ARID1B: variants seen among roughly 807,000 people sequenced by gnomAD.
The protein encoded by ARID1B is AT-rich interactive domain-containing protein 1B.
A neutral mutation model predicts 212.3 loss-of-function variants in ARID1B; 30 were observed. That is an observed-to-expected ratio of 0.14 (90% CI 0.11 to 0.19). The LOEUF is 0.19. ARID1B is among the 10% of genes least tolerant of loss of function. The pLI is 1.00. For missense variants in ARID1B, 2,891 were observed against 3,204.0 expected (o/e 0.90, Z 2.36); for synonymous variants, 1,402 against 1,301.7 (o/e 1.08, Z -1.66).
In ARID1B at chr6:157,148,891, G is replaced by T; in HGVS notation, c.3029G>T (p.Arg1010Leu). ...GMGPPMPTVNRKAQEAAAAVM... is the reference protein window; with the variant it reads ...GMGPPMPTVNLKAQEAAAAVM... ...GGGCCGCCAATGCCAACTGTGAACCGTAAGGCACAGGAGGCAGCCGCAGCA... is the reference window on the plus strand; with the variant it reads ...GGGCCGCCAATGCCAACTGTGAACCTTAAGGCACAGGAGGCAGCCGCAGCA... Residue 1010 changes from arginine to leucine, a missense_variant, in exon 8 of 20, where the codon CGT (arginine) becomes CTT (leucine). Physicochemically the swap from Arg to Leu is moderately radical, Grantham distance 102. Transcript: ENST00000636930. This position sits in a 1 kb window ranked among gnomAD's most constrained non-coding sequence, Gnocchi z 5.6. The T allele has an allele frequency of 2.5e-6, 4 of 1,612,878 alleles. No individual in the cohort carries two copies. Among genetic ancestry groups the T allele is most frequent in the Non-Finnish European group, 1.7e-6 (2 of 1,179,972 alleles).
chr6:156,796,195 C>T lies in ARID1B; in HGVS notation c.1791+16724C>T, dbSNP rs369080830. Among the ~76,000 whole-genome samples, 46 of 152,230 alleles carry T rather than the reference C, an allele frequency of 3.0e-4. No individual in the cohort carries two copies. In the South Asian group the frequency reaches 9.5e-3, roughly 32 times the overall value. The stretch of plus-strand genomic sequence containing the variant: ...TCTTGTTTCCTATTTCATAATATTT[C>T]ATCTTGCTTTATTGTTTATGGTAAT... On this transcript the variant is annotated intron_variant, in intron 1 of 19. Transcript: ENST00000636930.
At chr6:156,995,071 C>T (rs115773684) in intron 4 of ARID1B, among the ~76,000 whole-genome samples, 4 of 152,142 alleles carry the variant, frequency 2.6e-5, no homozygotes, top group African/African-American at 9.7e-5. Context: ...AGAGGAGGAC[C>T]TGCACCTTCC....
chr6:156,834,120 G>C (rs1783333115), intron 2 of ARID1B, among the ~76,000 whole-genome samples: 1 of 152,174 alleles, frequency 6.6e-6, no homozygotes, highest in Non-Finnish European at 1.5e-5. Context: ...TTGCATGAGA[G>C]CTCTGAAAAG....
chr6:156,818,079 T>G (rs983437643), intron 1 of ARID1B, among the ~76,000 whole-genome samples: 1 of 151,590 alleles, frequency 6.6e-6, no homozygotes, highest in Admixed American at 6.6e-5. Context: ...GGCCTTTATA[T>G]GTTGAATTTA....
At chr6:156,924,114 C>T (rs966675292) in intron 3 of ARID1B, among the ~76,000 whole-genome samples, 1 of 152,172 alleles carries the variant, frequency 6.6e-6, no homozygotes, top group Non-Finnish European at 1.5e-5. Flanking sequence ...ATGAATACAA[C>T]CTTAGAAGGT....
intron 2 of ARID1B, among the ~76,000 whole-genome samples, chr6:156,853,206 C>A (rs929096300): frequency 6.6e-6 from 1 of 152,172 alleles, no homozygotes; most frequent in Admixed American, 6.5e-5. Flanking sequence ...GATTATAGTA[C>A]TTAAGTATGC....
At chr6:156,999,136 G>C (rs1410123394) in intron 4 of ARID1B, among the ~76,000 whole-genome samples, 1 of 152,364 alleles carries the variant, frequency 6.6e-6, no homozygotes, top group South Asian at 2.1e-4. Context: ...GAGACTGGAT[G>C]CGCCATGAGT....
At chr6:157,025,641 A>G (rs1780610120) in intron 4 of ARID1B, among the ~76,000 whole-genome samples, 1 of 152,108 alleles carries the variant, frequency 6.6e-6, no homozygotes, top group Non-Finnish European at 1.5e-5. Flanking sequence ...ATCAGTAGTT[A>G]ATTCCTTTTC....
At chr6:157,174,740 A>AAT (rs1037314211) in intron 10 of ARID1B, 107 bp from the exon 11 acceptor site, 42 of 297,244 alleles carry the variant, frequency 1.4e-4, no homozygotes, top group Middle Eastern at 1.2e-3. Flanking sequence ...ATATATATAT[A>AAT]ATATATATAA....
chr6:157,083,556 T>C (rs753011758), intron 4 of ARID1B, among the ~76,000 whole-genome samples: 16 of 152,170 alleles, frequency 1.1e-4, no homozygotes, highest in Non-Finnish European at 1.9e-4. Context: ...CTTCCCCTTT[T>C]CGTCTTTAGC....
chr6:156,800,593 GA>G (rs1166026748), intron 1 of ARID1B, among the ~76,000 whole-genome samples: 1 of 151,272 alleles, frequency 6.6e-6, no homozygotes, highest in African/African-American at 2.4e-5. Flanking sequence ...CATCTCAAAA[GA>G]AAAAAAAGCA....
intron 3 of ARID1B, among the ~76,000 whole-genome samples, chr6:156,931,982 A>T (rs1791762840): frequency 6.6e-6 from 1 of 151,022 alleles, no homozygotes; most frequent in Non-Finnish European, 1.5e-5. Context: ...AAAAAAAAAA[A>T]AAATCAGCCA....
intron 4 of ARID1B, among the ~76,000 whole-genome samples, chr6:157,030,093 G>T (rs1204307534): frequency 1.3e-5 from 2 of 152,132 alleles, no homozygotes; most frequent in Non-Finnish European, 2.9e-5. Context: ...TGACGATTTG[G>T]GCTGGGCTCA....
chr6:156,987,334 G>GT (rs539734937), intron 4 of ARID1B, among the ~76,000 whole-genome samples: 8,485 of 145,008 alleles, frequency 0.059, 243 homozygotes, highest in East Asian at 0.085. Flanking sequence ...ACCAGTGCTA[G>GT]TTTTTTTTTT....
In ARID1B at chr6:156,829,243, C is replaced by A. The variant is rs763652332; in HGVS notation, c.1808C>A (p.Pro603Gln). ...TCTTCACAGGGCAGCCCAATGGATC[C>A]AATGGTGATGAAGAGACCTCAGTTG... ...MGRSQGSPMD[P>Q]MVMKRPQLYG... The change falls in exon 2 of 20, where the codon CCA (proline) becomes CAA (glutamine). Residue 603 changes from proline (P) to glutamine (Q), a missense_variant. This residue lies in a region of ARID1B where 1,643 missense variants were observed against 1,544.0 expected (regional missense o/e 1.06). Coordinates refer to ENST00000636930, the MANE Select transcript of ARID1B (RefSeq NM_001374828.1). 6.2e-7 allele frequency: 1 copy of A among 1,613,752 alleles called. No homozygotes were observed. The highest frequency in any genetic ancestry group is 8.5e-7 in the Non-Finnish European group (1 of 1,179,796).
chr6:157,186,638 T>G (rs1207303716), intron 13 of ARID1B: 2 of 413,336 alleles, frequency 4.8e-6, no homozygotes, highest in African/African-American at 2.1e-5. Flanking sequence ...TGTTAGAGTC[T>G]CATTTATTAC....
intron 4 of ARID1B, among the ~76,000 whole-genome samples, chr6:156,986,998 G>C (rs13437564): frequency 3.3e-5 from 5 of 152,206 alleles, no homozygotes; most frequent in African/African-American, 1.2e-4. Context: ...GGGCAACATA[G>C]CAAGACCCTC....
chr6:157,090,679 G>T (rs184518940), intron 5 of ARID1B, among the ~76,000 whole-genome samples: 10 of 152,272 alleles, frequency 6.6e-5, no homozygotes, highest in Non-Finnish European at 1.5e-4. Context: ...TTCACATTTC[G>T]TGCTTCGCTG....
intron 4 of ARID1B, among the ~76,000 whole-genome samples, chr6:157,049,551 A>G (rs1043595889): frequency 2.0e-5 from 3 of 152,182 alleles, no homozygotes; most frequent in Non-Finnish European, 4.4e-5. Flanking sequence ...AGCCATGTAC[A>G]TTTTTATAAG....
Sources: gnomAD v4.1 joint callset for allele counts (sites outside exome capture counted in the v4.1 genomes callset) on GRCh38, gnomAD v4.1.1 for gene constraint, gnomAD v4.1.1 regional missense constraint, Gnocchi (gnomAD v3.1) non-coding constraint, MANE v1.5 for transcripts, NCBI Gene and HGNC (gene_info 2026-07-23, HGNC 2026-07-21) for gene names.